Variants in ADPRHL1 observed in about 807,000 individuals in gnomAD.
ADPRHL1 encodes ADP-ribosylhydrolase like 1, also known as inactive ADP-ribosyltransferase ARH2.
Under a neutral mutation model 44.1 loss-of-function variants are expected in ADPRHL1, and 43 were observed. That is an observed-to-expected ratio of 0.98 (90% CI 0.76 to 1.26). ADPRHL1 has a LOEUF of 1.26. ADPRHL1 is among the 50% of genes most tolerant of loss of function. ADPRHL1 has a pLI of 0.00. For missense variants in ADPRHL1, 2,022 were observed against 2,496.9 expected (o/e 0.81, Z 4.05); for synonymous variants, 878 against 1,017.4 (o/e 0.86, Z 2.61).
Position 113,433,848 on chromosome 13 carries a change from G to A in ADPRHL1, c.399C>T (p.Ala133=), listed in dbSNP as rs775160671. ...GCAGGCCGATGCACATGGCCTTGGT[G>A]GCCGCTCCAAACCCTGAGCCTGTGT... is the stretch of plus-strand genomic sequence containing the variant. The part of the protein sequence containing the change: ...FNEKGSGFGA[A]TKAMCIGLRY... The change falls in exon 3 of 8, where the codon GCC becomes GCT. Residue 133 remains alanine, a synonymous_variant. Transcript: ENST00000612156. The A allele has an allele frequency of 6.6e-5, 103 of 1,563,448 alleles. No homozygotes were observed. Among genetic ancestry groups the A allele is most frequent in the Non-Finnish European group, 8.5e-5 (98 of 1,153,852 alleles).
At chr13:113,443,322 A>C (rs1173086483) in intron 2 of ADPRHL1, among the ~76,000 whole-genome samples, 1 of 152,070 alleles carries the variant, frequency 6.6e-6, no homozygotes, top group Admixed American at 6.6e-5. Flanking sequence ...TTAGGATTTA[A>C]GTCTTGGCTG....
In ADPRHL1 at chr13:113,407,459, G is replaced by A; in HGVS notation, c.1823C>T (p.Ala608Val). ...CTCAGCCGTGCAGGCCAGAAAGCGG[G>A]CAGGGGGCATCTTGACGCAGGTGCT... is the stretch of plus-strand genomic sequence containing the variant. Reference protein sequence around the residue: ...MASTCVKMPPARFLACTAEPL... With the variant: ...MASTCVKMPPVRFLACTAEPL... Residue 608 changes from alanine to valine, a missense_variant, in exon 8 of 8, where the codon GCC becomes GTC. Physicochemically the swap from Ala to Val is moderately conservative, Grantham distance 64. Coordinates refer to ENST00000612156, the MANE Select transcript of ADPRHL1 (RefSeq NM_001394807.1). 2 of 1,232,074 alleles carry A rather than the reference G, an allele frequency of 1.6e-6. No individual in the cohort carries two copies. Among genetic ancestry groups the A allele is most frequent in the Non-Finnish European group, 2.0e-6 (2 of 988,024 alleles). The allele number at this position is 1,232,074 out of a possible 1,614,324, so 76.3% of individuals were successfully genotyped here.
rs1211793835 is a variant in ADPRHL1, at chr13:113,405,783, G to A, written c.3499C>T (p.Arg1167Ter). Residue 1167 changes from arginine to a stop codon, truncating the protein, a stop_gained, in exon 8 of 8, where the codon CGA becomes TGA. Coordinates refer to ENST00000612156, the MANE Select transcript of ADPRHL1 (RefSeq NM_001394807.1). LOFTEE classifies it low-confidence loss of function (END_TRUNC). ...ESHPRGEALP[R>*]DPHSHGLLAP... ...AGGAGGCCGTGGCTGTGAGGGTCTC[G>A]AGGGAGAGCCTCTCCTCTGGGGTGG... is the stretch of plus-strand genomic sequence containing the variant. 3.2e-6 allele frequency: 4 copies of A among 1,231,668 alleles called. No homozygotes were observed. The highest frequency in any genetic ancestry group is 4.0e-6 in the Non-Finnish European group (4 of 988,024). The allele number at this position is 1,231,668 out of a possible 1,614,324, so 76.3% of individuals were successfully genotyped here.
intron 1 of ADPRHL1, chr13:113,449,321 G>C (rs949529062): frequency 1.5e-6 from 1 of 647,078 alleles, no homozygotes; most frequent in African/African-American, 2.0e-5. Flanking sequence ...CCCGGTCAGA[G>C]AGGCTCACCC....
At chr13:113,436,348 C>T (rs1240184796) in intron 2 of ADPRHL1, among the ~76,000 whole-genome samples, 1 of 128,442 alleles carries the variant, frequency 7.8e-6, no homozygotes, top group Non-Finnish European at 1.7e-5. Context: ...CACAGGTGTA[C>T]CCCGGGACCC....
In ADPRHL1 at chr13:113,422,941, ACAG is replaced by A; in HGVS notation, c.943_945del (p.Leu315del). ...AGGTCCAGGCCGTACAGCAACCCGA[ACAG>A]GCAGCCTGCAATGGTGCCCGTGGCC... On this transcript the variant is annotated inframe_deletion, in exon 7 of 8. Coordinates refer to ENST00000612156, the MANE Select transcript of ADPRHL1 (RefSeq NM_001394807.1). 2 of 1,612,894 alleles carry A rather than the reference ACAG, an allele frequency of 1.2e-6. No homozygotes were observed. Among genetic ancestry groups the A allele is most frequent in the Non-Finnish European group, 1.7e-6 (2 of 1,179,974 alleles).
At chr13:113,442,240 G>T (rs541917413) in intron 2 of ADPRHL1, among the ~76,000 whole-genome samples, 14 of 152,316 alleles carry the variant, frequency 9.2e-5, no homozygotes, top group Admixed American at 2.6e-4. Context: ...GGGTTGTTGA[G>T]GCCCAGGAGT....
At chr13:113,419,438 GAGAA>G (rs1566470197) in intron 7 of ADPRHL1, among the ~76,000 whole-genome samples, 1 of 151,460 alleles carries the variant, frequency 6.6e-6, no homozygotes, top group Admixed American at 6.6e-5. Flanking sequence ...GAATGTCTTG[GAGAA>G]AGAAAAATAA....
chr13:113,439,401 G>T (rs1316742496), intron 2 of ADPRHL1, among the ~76,000 whole-genome samples: 2 of 151,658 alleles, frequency 1.3e-5, no homozygotes, highest in African/African-American at 4.8e-5. Flanking sequence ...GGGATCACGG[G>T]TGTGAGCCAC....
chr13:113,417,524 C>T (rs537546095), intron 7 of ADPRHL1, among the ~76,000 whole-genome samples: 8 of 152,090 alleles, frequency 5.3e-5, no homozygotes, highest in South Asian at 2.1e-4. Flanking sequence ...AGATCAGGCG[C>T]GGTCCCTGCC....
At chr13:113,414,181 T>C (rs2043875248) in intron 7 of ADPRHL1, among the ~76,000 whole-genome samples, 1 of 152,172 alleles carries the variant, frequency 6.6e-6, no homozygotes, top group Non-Finnish European at 1.5e-5. Context: ...TGCAACTGTC[T>C]GGCTGTTCCA....
chr13:113,432,778 AT>A (rs2139631737), intron 3 of ADPRHL1, among the ~76,000 whole-genome samples: 1 of 152,358 alleles, frequency 6.6e-6, no homozygotes, highest in Non-Finnish European at 1.5e-5. Flanking sequence ...GTCACAGCAG[AT>A]ACCAAAAGGT....
Position 113,405,099 on chromosome 13 carries a change from C to T in ADPRHL1, c.4183G>A (p.Ala1395Thr). 8.1e-7 allele frequency: 1 copy of T among 1,232,214 alleles called. No individual in the cohort carries two copies. Among genetic ancestry groups the T allele is most frequent in the Non-Finnish European group, 1.0e-6 (1 of 988,318 alleles). 76.3% of individuals were successfully genotyped at this position (1,232,214 alleles called of 1,614,324 possible). ...CCCGACGGCGCCACCCTCTTCCCCG[C>T]ATCCCCGGGCTGGGGGGTCTCCTCC... ...AQEETPQPGDAGKRVAPSGSK... is the reference protein window; with the variant it reads ...AQEETPQPGDTGKRVAPSGSK... The change falls in exon 8 of 8, where the codon GCG (alanine) becomes ACG (threonine). Residue 1395 changes from alanine to threonine, a missense_variant. By Grantham distance (58) the Ala-to-Thr change is moderately conservative. This residue lies in a region of ADPRHL1 where 1,221 missense variants were observed against 1,517.8 expected (regional missense o/e 0.80). Coordinates refer to ENST00000612156, the MANE Select transcript of ADPRHL1 (RefSeq NM_001394807.1).
At chr13:113,420,033 G>A (rs1018228093) in intron 7 of ADPRHL1, among the ~76,000 whole-genome samples, 3 of 151,514 alleles carry the variant, frequency 2.0e-5, no homozygotes, top group Admixed American at 6.6e-5. Flanking sequence ...AGGCTTAGGC[G>A]ACCGTGACCG....
Position 113,404,764 on chromosome 13 carries a change from T to G in ADPRHL1, c.4518A>C (p.Glu1506Asp), listed in dbSNP as rs888938297. The G allele has an allele frequency of 3.1e-6, 4 of 1,271,614 alleles. No individual in the cohort carries two copies. In the African/African-American group the frequency reaches 6.2e-5, roughly 20 times the overall value. The allele number at this position is 1,271,614 out of a possible 1,614,324, so 78.8% of individuals were successfully genotyped here. A position where few individuals can be genotyped will look rare whatever the true frequency, so the allele number is the denominator to read the frequency against. The change falls in exon 8 of 8, where the codon GAA becomes GAC. Residue 1506 changes from glutamate (E) to aspartate (D), a missense_variant. This residue lies in a region of ADPRHL1 where 1,221 missense variants were observed against 1,517.8 expected (regional missense o/e 0.80). Coordinates refer to ENST00000612156, the MANE Select transcript of ADPRHL1 (RefSeq NM_001394807.1). ...CTATCTGGGTCTGCCACTGGGCCTG[T>G]TCTTGAGCGTGTCCCTGAACCTGTC... ...DRGQVQGHAQ[E>D]QAQWQTQIEA... is the part of the protein sequence containing the mutation.
chr13:113,413,075 C>T (rs1407859581), intron 7 of ADPRHL1, among the ~76,000 whole-genome samples: 7 of 141,494 alleles, frequency 4.9e-5, no homozygotes, highest in Admixed American at 4.8e-4. Context: ...CTCGGTTCAC[C>T]CACCGCCAAC....
At chr13:113,440,828 T>A (rs966095502) in intron 2 of ADPRHL1, among the ~76,000 whole-genome samples, 2 of 152,058 alleles carry the variant, frequency 1.3e-5, no homozygotes, top group African/African-American at 4.8e-5. Context: ...CAACAGGAGA[T>A]TTTTGGTTGT....
At position 113,421,613 on chromosome 13, in the gene ADPRHL1, T is replaced by C. The variant is rs186651486; in HGVS notation, c.1061+1213A>G. ...GCTGGCCCGGGAAGCCTGGACCCAA[T>C]GCACCTGGGAGCTGGGAGTCCGTGG... On this transcript the variant is annotated intron_variant, in intron 7 of 7. Transcript: ENST00000612156. Among the ~76,000 whole-genome samples the C allele has an allele frequency of 8.3e-3, 1,257 of 152,280 alleles. 4 individuals are homozygous for C. The highest frequency in any genetic ancestry group is 0.014 in the Middle Eastern group (4 of 294).
Position 113,441,034 on chromosome 13 carries a change from TC to T in ADPRHL1, c.379+3390del, listed in dbSNP as rs2044094517. Among the ~76,000 whole-genome samples, 1 of 152,028 alleles carries T rather than the reference TC, an allele frequency of 6.6e-6. No homozygotes were observed. The highest frequency in any genetic ancestry group is 6.6e-5 in the Admixed American group (1 of 15,266). ...CAGGTGTGGTGGTGGGCGCCCGTAGTCCCAGCTACTTGGGAGGTGGAGGCAG... is the reference window on the plus strand; with the variant it reads ...CAGGTGTGGTGGTGGGCGCCCGTAGTCCAGCTACTTGGGAGGTGGAGGCAG... On this transcript the variant is annotated intron_variant, in intron 2 of 7. Transcript: ENST00000612156. This position sits in a 1 kb window ranked among gnomAD's most constrained non-coding sequence, Gnocchi z 6.0.
Sources: allele counts gnomAD v4.1 joint callset (sites outside exome capture counted in the v4.1 genomes callset), GRCh38; gene constraint gnomAD v4.1.1; regional missense constraint gnomAD v4.1.1; non-coding constraint Gnocchi (gnomAD v3.1); transcripts MANE v1.5; gene names NCBI Gene and HGNC (gene_info 2026-07-23, HGNC 2026-07-21).